SPAG16: variants seen among roughly 807,000 people sequenced by gnomAD.
The protein encoded by SPAG16 is sperm associated antigen 16.
In SPAG16, 86 loss-of-function variants were observed where a neutral mutation model predicts 80.4. That is an observed-to-expected ratio of 1.07 (90% CI 0.90 to 1.28). SPAG16 has a LOEUF of 1.28. Ranked by LOEUF, SPAG16 falls within the 50% of genes most tolerant of loss-of-function variation. SPAG16 has a pLI of 0.00. For missense variants in SPAG16, 870 were observed against 765.3 expected (o/e 1.14, Z -1.61); for synonymous variants, 294 against 265.9 (o/e 1.11, Z -1.03).
chr2:214,390,345 A>ATTTT (rs1356162985), intron 15 of SPAG16, among the ~76,000 whole-genome samples: 6 of 104,934 alleles, frequency 5.7e-5, no homozygotes, highest in African/African-American at 1.4e-4. Context: ...TTTTTTTAAA[A>ATTTT]AAAAAAAAAA....
Position 213,938,698 on chromosome 2 carries a change from A to C in SPAG16, c.1400+8553A>C, listed in dbSNP as rs187940464. On this transcript the variant is annotated intron_variant, in intron 12 of 15. Transcript: ENST00000331683. ...GATTTGATTCAATTACTGTGGAAAC[A>C]AATCAAATGTCCAAGGACATCAAAT... 9.2e-3 allele frequency among the ~76,000 whole-genome samples: 1,399 copies of C among 152,130 alleles called. 10 individuals are homozygous for C. The highest frequency in any genetic ancestry group is 0.014 in the Non-Finnish European group (957 of 67,922).
At chr2:213,459,925 A>C (rs76706178) in intron 9 of SPAG16, among the ~76,000 whole-genome samples, 3,560 of 152,316 alleles carry the variant, frequency 0.023, 59 homozygotes, top group African/African-American at 0.038. Context: ...ATAAGTTTAC[A>C]TTTCTGTAAT....
intron 15 of SPAG16, among the ~76,000 whole-genome samples, chr2:214,253,379 A>G (rs567576612): frequency 3.3e-5 from 5 of 152,308 alleles, no homozygotes; most frequent in Non-Finnish European, 7.4e-5. Flanking sequence ...GTGTTTGCCC[A>G]TGCCTATGTC....
At chr2:213,535,768 T>C (rs1412624711) in intron 10 of SPAG16, among the ~76,000 whole-genome samples, 1 of 152,192 alleles carries the variant, frequency 6.6e-6, no homozygotes, top group African/African-American at 2.4e-5. Context: ...CAATTAAGAG[T>C]GCAGGCTAAC....
chr2:213,523,301 T>C (rs908398121), intron 10 of SPAG16, among the ~76,000 whole-genome samples: 1 of 152,196 alleles, frequency 6.6e-6, no homozygotes, highest in South Asian at 2.1e-4. Context: ...GCTTCCACCA[T>C]GATTGTAAGT....
intron 10 of SPAG16, among the ~76,000 whole-genome samples, chr2:213,667,309 G>C (rs1434407278): frequency 6.6e-6 from 1 of 152,132 alleles, no homozygotes; most frequent in Non-Finnish European, 1.5e-5. Flanking sequence ...TTTTGAAGCA[G>C]TTCCATAGAA....
intron 10 of SPAG16, among the ~76,000 whole-genome samples, chr2:213,642,159 T>A (rs1407302385): frequency 6.6e-6 from 1 of 152,194 alleles, no homozygotes; most frequent in Non-Finnish European, 1.5e-5. Flanking sequence ...CCTCTCGCAC[T>A]TTGGGAACGC....
intron 15 of SPAG16, among the ~76,000 whole-genome samples, chr2:214,159,994 T>G (rs2125599011): frequency 6.6e-6 from 1 of 152,110 alleles, no homozygotes; most frequent in Non-Finnish European, 1.5e-5. Flanking sequence ...GGCACTGTTC[T>G]AAATTCTAGG....
chr2:213,292,080 A>C lies in SPAG16; in HGVS notation c.137-3984A>C, dbSNP rs894531439. On this transcript the variant is annotated intron_variant, in intron 1 of 15. Transcript: ENST00000331683. ...ATTTTCTATGCTTCGAGGACAAATC[A>C]CTTTTTTTCTACTCTATATTGCCAT... Among the ~76,000 whole-genome samples, 4 of 152,156 alleles carry C rather than the reference A, an allele frequency of 2.6e-5. No individual in the cohort carries two copies. The South Asian group carries it at 8.3e-4, about 32-fold the overall frequency.
chr2:213,768,142 A>T (rs1049026251), intron 10 of SPAG16, among the ~76,000 whole-genome samples: 1 of 152,316 alleles, frequency 6.6e-6, no homozygotes, highest in East Asian at 1.9e-4. Context: ...GCACACACCT[A>T]CAGGTAAAGG....
intron 15 of SPAG16, among the ~76,000 whole-genome samples, chr2:214,337,268 A>G (rs558746335): frequency 3.9e-5 from 6 of 152,302 alleles, no homozygotes; most frequent in Admixed American, 2.0e-4. Context: ...AGCTTGTTGT[A>G]AAAATACTGA....
At chr2:213,308,052 A>G (rs1466518895) in intron 3 of SPAG16, among the ~76,000 whole-genome samples, 2 of 152,162 alleles carry the variant, frequency 1.3e-5, no homozygotes, top group East Asian at 1.9e-4. Flanking sequence ...GTGAGAATAG[A>G]TCTGCTTATT....
At chr2:214,145,478 C>T (rs2055592990) in intron 14 of SPAG16, among the ~76,000 whole-genome samples, 1 of 151,942 alleles carries the variant, frequency 6.6e-6, no homozygotes, top group Admixed American at 6.6e-5. Flanking sequence ...TTTTGTGATA[C>T]TTGATACCTA....
chr2:213,325,817 A>G (rs1221251507), intron 5 of SPAG16, among the ~76,000 whole-genome samples: 1 of 151,824 alleles, frequency 6.6e-6, no homozygotes, highest in African/African-American at 2.4e-5. Flanking sequence ...TTGTTGTTGC[A>G]TTTTCAGTTC....
At chr2:213,391,664 G>A (rs904953186) in intron 9 of SPAG16, among the ~76,000 whole-genome samples, 1 of 152,080 alleles carries the variant, frequency 6.6e-6, no homozygotes, top group Non-Finnish European at 1.5e-5. Context: ...CGATAGAAAA[G>A]GTTATTTACT....
intron 7 of SPAG16, among the ~76,000 whole-genome samples, chr2:213,361,946 GT>G: frequency 6.6e-6 from 1 of 152,166 alleles, no homozygotes; most frequent in East Asian, 1.9e-4. Context: ...CTGGCTTGGG[GT>G]TTTTATTGCG....
intron 15 of SPAG16, among the ~76,000 whole-genome samples, chr2:214,365,882 T>C (rs1699446622): frequency 1.3e-5 from 2 of 152,042 alleles, no homozygotes; most frequent in Non-Finnish European, 2.9e-5. Flanking sequence ...CACCAATAAA[T>C]TTATCCTTAC....
At chr2:213,866,208 A>T (rs1259420310) in intron 11 of SPAG16, among the ~76,000 whole-genome samples, 1 of 152,102 alleles carries the variant, frequency 6.6e-6, no homozygotes, top group African/African-American at 2.4e-5. Flanking sequence ...GACAGAAAAA[A>T]TAAAAGGGAA....
At chr2:214,262,276 T>C (rs1450310070) in intron 15 of SPAG16, among the ~76,000 whole-genome samples, 7 of 152,118 alleles carry the variant, frequency 4.6e-5, no homozygotes, top group African/African-American at 1.7e-4. Context: ...TTAGAATAAA[T>C]TAAAACTTTG....
Sources: allele counts gnomAD v4.1 joint callset (sites outside exome capture counted in the v4.1 genomes callset), GRCh38; gene constraint gnomAD v4.1.1; transcripts MANE v1.5; gene names NCBI Gene and HGNC (gene_info 2026-07-23, HGNC 2026-07-21).